Variants in STPG2 observed in about 807,000 individuals in gnomAD.
The protein encoded by STPG2 is sperm-tail PG-rich repeat-containing protein 2.
A neutral mutation model predicts 54.2 loss-of-function variants in STPG2; 56 were observed. That is an observed-to-expected ratio of 1.03 (90% CI 0.83 to 1.29). The LOEUF (loss-of-function observed/expected upper bound fraction) is 1.29. Ranked by LOEUF, STPG2 falls within the 50% of genes most tolerant of loss-of-function variation. The pLI, the probability that STPG2 is intolerant of heterozygous loss-of-function variation, is 0.00. For synonymous variants in STPG2, 200 were observed against 181.8 expected, an observed-to-expected ratio of 1.10 and a Z score of -0.81; for missense variants, 596 against 544.9, an observed-to-expected ratio of 1.09 and a Z score of -0.93.
chr4:97,769,931 C>A (rs1726170685), intron 9 of STPG2, among the ~76,000 whole-genome samples: 1 of 152,088 alleles, frequency 6.6e-6, no homozygotes, highest in South Asian at 2.1e-4. Flanking sequence ...AAATAAGAGT[C>A]CAGGCATGGT....
chr4:98,030,621 C>T (rs1278570482), intron 5 of STPG2, among the ~76,000 whole-genome samples: 1 of 152,008 alleles, frequency 6.6e-6, no homozygotes, highest in African/African-American at 2.4e-5. Context: ...GTATGCTACC[C>T]AACTTCAAAT....
intron 8 of STPG2, among the ~76,000 whole-genome samples, chr4:97,874,692 A>G (rs1730111202): frequency 6.6e-6 from 1 of 151,778 alleles, no homozygotes; most frequent in South Asian, 2.1e-4. Context: ...ATGTTCTTGT[A>G]TATATGTATA....
At chr4:97,923,792 T>C (rs1336307631) in intron 8 of STPG2, among the ~76,000 whole-genome samples, 1 of 152,196 alleles carries the variant, frequency 6.6e-6, no homozygotes, top group Non-Finnish European at 1.5e-5. Flanking sequence ...ATCAACACTC[T>C]GTATCTAGCT....
chr4:97,601,362 A>G (rs1386147696), intron 10 of STPG2, among the ~76,000 whole-genome samples: 1 of 152,084 alleles, frequency 6.6e-6, no homozygotes, highest in Non-Finnish European at 1.5e-5. Flanking sequence ...GCAAAAAAAG[A>G]ATCTTATATA....
chr4:97,962,172 A>G (rs957245525), intron 7 of STPG2, among the ~76,000 whole-genome samples: 1 of 152,210 alleles, frequency 6.6e-6, no homozygotes, highest in African/African-American at 2.4e-5. Flanking sequence ...AAGCAAAGGC[A>G]TAAGAATGAC....
chr4:97,455,789 G>T (rs1436096527), intron 4 of STPG2, among the ~76,000 whole-genome samples: 1 of 152,150 alleles, frequency 6.6e-6, no homozygotes, highest in South Asian at 2.1e-4. Context: ...AACTGAAAGA[G>T]CACGCTGTAA....
chr4:97,468,107 A>T (rs1419503787), intron 4 of STPG2, among the ~76,000 whole-genome samples: 5 of 152,024 alleles, frequency 3.3e-5, no homozygotes, highest in Non-Finnish European at 7.4e-5. Flanking sequence ...AACAAAAAGT[A>T]AAAGAAAAGC....
intron 9 of STPG2, among the ~76,000 whole-genome samples, chr4:97,815,796 T>C (rs1009228855): frequency 2.0e-5 from 3 of 152,180 alleles, no homozygotes; most frequent in Non-Finnish European, 4.4e-5. Flanking sequence ...TAGATTCATA[T>C]GAATGCCAAG....
chr4:98,041,803 T>C (rs1156444316), intron 5 of STPG2, among the ~76,000 whole-genome samples: 1 of 151,904 alleles, frequency 6.6e-6, no homozygotes, highest in Non-Finnish European at 1.5e-5. Context: ...TCTTTTTGTG[T>C]TATATCCTTG....
chr4:97,509,976 G>A (rs537583144), intron 4 of STPG2, among the ~76,000 whole-genome samples: 28 of 152,062 alleles, frequency 1.8e-4, no homozygotes, highest in Non-Finnish European at 2.8e-4. Flanking sequence ...CTAATCCGTG[G>A]AAAAATTGTC....
At chr4:98,136,684 G>A (rs1740143998) in intron 1 of STPG2, among the ~76,000 whole-genome samples, 1 of 151,692 alleles carries the variant, frequency 6.6e-6, no homozygotes, top group Non-Finnish European at 1.5e-5. Flanking sequence ...AGATGTAGAA[G>A]TAAAATGTAC....
intron 10 of STPG2, among the ~76,000 whole-genome samples, chr4:97,598,245 A>G (rs1733353381): frequency 6.6e-6 from 1 of 152,180 alleles, no homozygotes; most frequent in Non-Finnish European, 1.5e-5. Context: ...GATGAAACAT[A>G]CAAATGGAAA....
chr4:97,461,381 G>T (rs1254081212), intron 4 of STPG2, among the ~76,000 whole-genome samples: 1 of 152,180 alleles, frequency 6.6e-6, no homozygotes, highest in Non-Finnish European at 1.5e-5. Flanking sequence ...CTTGCAATGT[G>T]ATGTTATTAG....
intron 9 of STPG2, among the ~76,000 whole-genome samples, chr4:97,820,078 A>G (rs1314353659): frequency 6.6e-6 from 1 of 151,890 alleles, no homozygotes; most frequent in African/African-American, 2.4e-5. Flanking sequence ...TCTCAACGTC[A>G]CATTTTGGTA....
chr4:97,634,990 C>T (rs537316153), intron 10 of STPG2, among the ~76,000 whole-genome samples: 14 of 152,192 alleles, frequency 9.2e-5, no homozygotes, highest in South Asian at 2.1e-4. Flanking sequence ...ATACAGAGAA[C>T]GCCACAAAGA....
chr4:97,758,890 T>C (rs17026973), intron 9 of STPG2, among the ~76,000 whole-genome samples: 6 of 151,210 alleles, frequency 4.0e-5, no homozygotes, highest in African/African-American at 1.2e-4. Context: ...AAATTTTAGA[T>C]GGAAAAACAG....
At chr4:98,114,760 T>TG (rs1240248532) in intron 3 of STPG2, among the ~76,000 whole-genome samples, 4 of 49,076 alleles carry the variant, frequency 8.2e-5, no homozygotes, top group African/African-American at 1.8e-4. Context: ...TCCATTTTTT[T>TG]TTTTTTGTGT....
At chr4:98,036,903 T>C (rs931031428) in intron 5 of STPG2, among the ~76,000 whole-genome samples, 9 of 152,226 alleles carry the variant, frequency 5.9e-5, no homozygotes, top group South Asian at 2.1e-4. Flanking sequence ...TTCTTAGTCA[T>C]AAAAATTGTA....
At chr4:97,600,571 C>G (rs1025912478) in intron 10 of STPG2, among the ~76,000 whole-genome samples, 2 of 152,024 alleles carry the variant, frequency 1.3e-5, no homozygotes, top group South Asian at 2.1e-4. Flanking sequence ...GGCTTTGAAG[C>G]TTAGATTGGA....
Sources: gnomAD v4.1 joint callset for allele counts (sites outside exome capture counted in the v4.1 genomes callset) on GRCh38, gnomAD v4.1.1 for gene constraint, MANE v1.5 for transcripts, NCBI Gene and HGNC (gene_info 2026-07-23, HGNC 2026-07-21) for gene names.